MYH7: variants seen among roughly 807,000 people sequenced by gnomAD.
MYH7 encodes the protein myosin heavy chain 7.
MYH7 carries 129 observed loss-of-function variants against 225.4 expected under a neutral mutation model. That is an observed-to-expected ratio of 0.57 (90% CI 0.50 to 0.66). MYH7 has a LOEUF of 0.66. Ranked by LOEUF, MYH7 falls within the 30% of genes least tolerant of loss-of-function variation. MYH7 has a pLI of 0.00. For missense variants in MYH7, 1,649 were observed against 2,517.0 expected (o/e 0.66, Z 7.38); for synonymous variants, 971 against 1,007.6 (o/e 0.96, Z 0.69).
In MYH7 at chr14:23,418,424, C is replaced by T. The variant is rs1012468739; in HGVS notation, c.3973-18G>A. The T allele has an allele frequency of 1.9e-6, 3 of 1,596,100 alleles. No homozygotes were observed. Among genetic ancestry groups the T allele is most frequent in the Middle Eastern group, 1.7e-4 (1 of 5,860 alleles). ...TTCTTCGCCTGGGGAGGGGTGGGCA[C>T]CAGGAGGTGGGTTCAGCTTTCTCCA... On this transcript the variant is annotated intron_variant, in intron 29 of 39. Transcript: ENST00000355349.
In MYH7 at chr14:23,415,846, G is replaced by A. The variant is rs727505070; in HGVS notation, c.4954-14C>T. The A allele has an allele frequency of 6.2e-7, 1 of 1,614,204 alleles. No homozygotes were observed. ...AATCTGGGTGTCCTGAGGATCAGGA[G>A]AGTGGGCATGAGCAGGGAGCCAGCC... On this transcript the variant is annotated splice_polypyrimidine_tract_variant and intron_variant, in intron 34 of 39. Transcript: ENST00000355349. This position sits in a 1 kb window ranked among gnomAD's most constrained non-coding sequence, Gnocchi z 6.3.
intron 26 of MYH7, among the ~76,000 whole-genome samples, chr14:23,420,741 A>T (rs1892441110): frequency 6.6e-6 from 1 of 152,136 alleles, no homozygotes; most frequent in Admixed American, 6.5e-5. Context: ...GAAGCCAGGA[A>T]TTCTGCCCTC....
In MYH7 at chr14:23,417,237, T is replaced by C. The variant is rs752867429; in HGVS notation, c.4435A>G (p.Thr1479Ala). Residue 1479 changes from threonine (T) to alanine (A), a missense_variant, in exon 32 of 40, where the codon ACA (threonine) becomes GCA (alanine). Around this residue, in one of 12 missense-constraint regions of MYH7, gnomAD observed 687 missense variants for 913.8 expected, o/e 0.75. Transcript: ENST00000355349. ...GCGTTCTTGAGTTTGAAGAGCTCTG[T>C]GCTGAGGGAGCGAGCCTCCTTCTGC... ...SSQKEARSLS[T>A]ELFKLKNAYE... 2.5e-5 allele frequency: 41 copies of C among 1,614,080 alleles called. 1 individual carries two copies. Among genetic ancestry groups the C allele is most frequent in the South Asian group, 2.5e-4 (23 of 91,084 alleles).
intron 17 of MYH7, 135 bp downstream of exon 17, chr14:23,427,103 CAG>C: frequency 1.1e-6 from 1 of 902,692 alleles, no homozygotes; most frequent in Non-Finnish European, 1.8e-6. Flanking sequence ...GAAGAGAAGA[CAG>C]AGTGAAAATG....
Position 23,416,532 on chromosome 14 carries a change from G to A in MYH7, c.4645-220C>T, listed in dbSNP as rs7140743. 0.013 allele frequency among the ~76,000 whole-genome samples: 2,027 copies of A among 152,282 alleles called. 65 individuals carry two copies. The highest frequency in any genetic ancestry group is 0.046 in the African/African-American group (1,896 of 41,528). ...GGGGAGAGCCAGCTATGAAGACAAG[G>A]AGGAAAATGAAGAGAAAAGTGTTGC... On this transcript the variant is annotated intron_variant, in intron 33 of 39. Transcript: ENST00000355349.
At chr14:23,430,801 G>A (rs1595088669) in intron 10 of MYH7, 100 bp downstream of exon 10, 1 of 1,252,556 alleles carries the variant, frequency 8.0e-7, no homozygotes, top group Non-Finnish European at 1.2e-6. Flanking sequence ...GAATCCAGCA[G>A]TGCCATGAAA....
At chr14:23,422,356 G>A in intron 24 of MYH7, 31 bp from the exon 25 acceptor site, 1 of 1,614,092 alleles carries the variant, frequency 6.2e-7, no homozygotes. Context: ...GGCCCAGTGA[G>A]GCAAAGCATC....
chr14:23,428,138 C>T (rs547912967), intron 15 of MYH7, among the ~76,000 whole-genome samples: 4 of 152,320 alleles, frequency 2.6e-5, no homozygotes, highest in African/African-American at 4.8e-5. Context: ...CACCACTCCA[C>T]GACCCAGATG....
At position 23,418,197 on chromosome 14, in the gene MYH7, G is replaced by C; in HGVS notation, c.4169+13C>G. On this transcript the variant is annotated intron_variant, in intron 30 of 39. Transcript: ENST00000355349. ...AGGGGCCTCAGCCAGAAGTCAGGCT[G>C]CTCAGAACTCACTTGGCCTCCTCGA... is the stretch of plus-strand genomic sequence containing the variant. 6.2e-7 allele frequency: 1 copy of C among 1,613,336 alleles called. No homozygotes were observed. Among genetic ancestry groups the C allele is most frequent in the Non-Finnish European group, 8.5e-7 (1 of 1,180,044 alleles).
chr14:23,415,860 AG>A lies in MYH7; in HGVS notation c.4954-29del, dbSNP rs1566523547. On this transcript the variant is annotated intron_variant, in intron 34 of 39. Coordinates refer to ENST00000355349, the MANE Select transcript of MYH7 (RefSeq NM_000257.4). This position sits in a 1 kb window ranked among gnomAD's most constrained non-coding sequence, Gnocchi z 6.3. ...GAGGATCAGGAGAGTGGGCATGAGC[AG>A]GGAGCCAGCCTCGGTTCCCTTCACT... 1 of 1,614,166 alleles carries A rather than the reference AG, an allele frequency of 6.2e-7. No individual in the cohort carries two copies. The highest frequency in any genetic ancestry group is 1.1e-5 in the South Asian group (1 of 91,072).
chr14:23,431,283 G>C, intron 9 of MYH7, 135 bp downstream of exon 9: 1 of 918,736 alleles, frequency 1.1e-6, no homozygotes, highest in Non-Finnish European at 1.8e-6. Flanking sequence ...TAGACCTGAA[G>C]ACAGAGACAC....
At position 23,428,559 on chromosome 14, in the gene MYH7, C is replaced by T. The variant is rs558212108; in HGVS notation, c.1519G>A (p.Glu507Lys). ...ATGCCAAAGTCAATGAATGTCCACT[C>T]GATGCCCTCCTTCTTGTACTCCTCC... ...EQEEYKKEGI[E>K]WTFIDFGMDL... Residue 507 changes from glutamate to lysine, a missense_variant, in exon 15 of 40, where the codon GAG becomes AAG. By Grantham distance (56) the Glu-to-Lys change is moderately conservative (BLOSUM62 1). Coordinates refer to ENST00000355349, the MANE Select transcript of MYH7 (RefSeq NM_000257.4). 7.4e-6 allele frequency: 12 copies of T among 1,614,204 alleles called. No homozygotes were observed. The highest frequency in any genetic ancestry group is 6.7e-5 in the East Asian group (3 of 44,884).
chr14:23,424,714 T>C (rs1435745826), intron 22 of MYH7, 55 bp downstream of exon 22: 18 of 1,610,756 alleles, frequency 1.1e-5, no homozygotes, highest in African/African-American at 4.0e-5. Context: ...TGCAGGGTTG[T>C]GGGAAGTGAA....
chr14:23,422,808 T>A (rs1239445573), intron 24 of MYH7, among the ~76,000 whole-genome samples: 1 of 152,134 alleles, frequency 6.6e-6, no homozygotes, highest in African/African-American at 2.4e-5. Context: ...TTTTTGTATT[T>A]TTAGTAGAGA....
At chr14:23,432,022 G>A (rs1265842751) in intron 6 of MYH7, among the ~76,000 whole-genome samples, 153 bp from the exon 7 acceptor site, 1 of 151,950 alleles carries the variant, frequency 6.6e-6, no homozygotes, top group Non-Finnish European at 1.5e-5. Flanking sequence ...ACTGTCTTCT[G>A]ATGCACAGAG....
chr14:23,418,515 T>C (rs1892329893), intron 29 of MYH7, 109 bp from the exon 30 acceptor site: 1 of 1,299,022 alleles, frequency 7.7e-7, no homozygotes, highest in Non-Finnish European at 1.0e-6. Context: ...GCCTCATCTA[T>C]GTCCAAACCC....
chr14:23,423,275 A>G (rs1892551626), intron 24 of MYH7, among the ~76,000 whole-genome samples: 1 of 152,182 alleles, frequency 6.6e-6, no homozygotes. Flanking sequence ...CACTTAAATT[A>G]AATAAGAAAA....
At position 23,428,487 on chromosome 14, in the gene MYH7, G is replaced by A. The variant is rs1178580158; in HGVS notation, c.1578+13C>T. ...GTGCAGGGAGAATTCAGGTGGTAAG[G>A]CCAAAGAGGCACCTTCTCGATGAGG... On this transcript the variant is annotated intron_variant, in intron 15 of 39. Transcript: ENST00000355349. 1.9e-6 allele frequency: 3 copies of A among 1,614,130 alleles called. No homozygotes were observed. Among genetic ancestry groups the A allele is most frequent in the Non-Finnish European group, 2.5e-6 (3 of 1,180,014 alleles).
At chr14:23,416,666 T>C (rs2138643646) in intron 33 of MYH7, among the ~76,000 whole-genome samples, 1 of 152,084 alleles carries the variant, frequency 6.6e-6, no homozygotes, top group Admixed American at 6.5e-5. Context: ...ATGCAATGGG[T>C]AAAATGTTTA....
Sources: gnomAD v4.1 joint callset for allele counts (sites outside exome capture counted in the v4.1 genomes callset) on GRCh38, gnomAD v4.1.1 for gene constraint, gnomAD v4.1.1 regional missense constraint, Gnocchi (gnomAD v3.1) non-coding constraint, MANE v1.5 for transcripts, NCBI Gene and HGNC (gene_info 2026-07-23, HGNC 2026-07-21) for gene names.